Variants in IMMP2L observed in about 807,000 individuals in gnomAD.
IMMP2L encodes the protein inner mitochondrial membrane peptidase subunit 2.
IMMP2L carries 18 observed loss-of-function variants against 19.3 expected under a neutral mutation model. That is an observed-to-expected ratio of 0.93 (90% CI 0.64 to 1.38). The LOEUF is 1.38. IMMP2L is among the 40% of genes most tolerant of loss of function. IMMP2L has a pLI of 0.00. For synonymous variants in IMMP2L, 76 were observed against 73.0 expected (o/e 1.04, Z -0.21); for missense variants, 233 against 218.2 (o/e 1.07, Z -0.43).
chr7:111,169,873 G>C (rs756404064), intron 3 of IMMP2L, among the ~76,000 whole-genome samples: 9 of 151,868 alleles, frequency 5.9e-5, no homozygotes, highest in Non-Finnish European at 1.0e-4. Context: ...ATTTCTATCA[G>C]ATCCAGTGGT....
chr7:110,720,230 G>A (rs984292426), intron 5 of IMMP2L, among the ~76,000 whole-genome samples: 4 of 152,114 alleles, frequency 2.6e-5, no homozygotes, highest in Non-Finnish European at 5.9e-5. Flanking sequence ...TGGAATTAAG[G>A]TGTGGCTGTT....
At position 111,372,071 on chromosome 7, in the gene IMMP2L, T is replaced by C. The variant is rs186698597; in HGVS notation, c.239+115167A>G. Reference sequence around the variant, plus strand: ...TTTTGTCAAGGAGAAACAGCCAGGATTACACAACTGCCAGTCTGAGGTTCT... The same window carrying C: ...TTTTGTCAAGGAGAAACAGCCAGGACTACACAACTGCCAGTCTGAGGTTCT... On this transcript the variant is annotated intron_variant, in intron 3 of 5. Coordinates refer to ENST00000405709, the MANE Select transcript of IMMP2L (RefSeq NM_032549.4). Among the ~76,000 whole-genome samples the C allele has an allele frequency of 3.7e-4, 57 of 152,090 alleles. No individual in the cohort carries two copies. In the East Asian group the frequency reaches 0.011, roughly 28 times the overall value.
At chr7:110,827,323 G>A (rs1803588091) in intron 5 of IMMP2L, among the ~76,000 whole-genome samples, 1 of 152,088 alleles carries the variant, frequency 6.6e-6, no homozygotes. Flanking sequence ...TGATGTCCAA[G>A]CACACTGCTT....
intron 1 of IMMP2L, among the ~76,000 whole-genome samples, chr7:111,545,435 A>G (rs545805026): frequency 4.6e-4 from 70 of 152,246 alleles, no homozygotes; most frequent in African/African-American, 1.7e-3. Flanking sequence ...TCTGTCACCC[A>G]GCTGGAGTGC....
At chr7:111,337,386 C>T (rs1362839219) in intron 3 of IMMP2L, among the ~76,000 whole-genome samples, 1 of 151,904 alleles carries the variant, frequency 6.6e-6, no homozygotes, top group Non-Finnish European at 1.5e-5. Context: ...TTTCTATCTT[C>T]CATGGCTCCC....
chr7:110,879,521 C>T (rs1417817705), intron 5 of IMMP2L, among the ~76,000 whole-genome samples: 1 of 152,112 alleles, frequency 6.6e-6, no homozygotes, highest in Non-Finnish European at 1.5e-5. Flanking sequence ...ACTCACTCTT[C>T]CCCAATAACA....
At chr7:111,465,501 TAAA>T (rs757362734) in intron 3 of IMMP2L, among the ~76,000 whole-genome samples, 1 of 64,274 alleles carries the variant, frequency 1.6e-5, no homozygotes, top group Admixed American at 1.9e-4. Flanking sequence ...CAGGTGTCAC[TAAA>T]AAAAAAAAAA....
At chr7:111,217,744 ATAC>A (rs1812106125) in intron 3 of IMMP2L, among the ~76,000 whole-genome samples, 1 of 152,148 alleles carries the variant, frequency 6.6e-6, no homozygotes, top group African/African-American at 2.4e-5. Flanking sequence ...CAAAATTATG[ATAC>A]TAAACAATAA....
At chr7:111,454,936 T>G (rs1839553109) in intron 3 of IMMP2L, among the ~76,000 whole-genome samples, 9 of 152,098 alleles carry the variant, frequency 5.9e-5, no homozygotes. Flanking sequence ...AAATTAAAAT[T>G]TGATACAAAG....
chr7:111,454,033 A>G (rs78269438), intron 3 of IMMP2L, among the ~76,000 whole-genome samples: 1,590 of 152,292 alleles, frequency 0.01, 15 homozygotes, highest in Non-Finnish European at 0.015. Flanking sequence ...TAAGAACTTC[A>G]TGCATTCATA....
Position 111,314,471 on chromosome 7 carries a change from A to C in IMMP2L, c.239+172767T>G, listed in dbSNP as rs558660795. Among the ~76,000 whole-genome samples the C allele has an allele frequency of 6.0e-4, 92 of 152,298 alleles. 1 individual carries two copies. Among genetic ancestry groups the C allele is most frequent in the African/African-American group, 2.1e-3 (88 of 41,564 alleles). On this transcript the variant is annotated intron_variant, in intron 3 of 5. Transcript: ENST00000405709. ...ATTGATTGAATGATGTTGCATTTGAAATTTTTTAATTTAAATTTTAGAAAG... is the reference window on the plus strand; with the variant it reads ...ATTGATTGAATGATGTTGCATTTGACATTTTTTAATTTAAATTTTAGAAAG...
At chr7:111,086,783 C>T (rs1481402643) in intron 3 of IMMP2L, among the ~76,000 whole-genome samples, 2 of 152,222 alleles carry the variant, frequency 1.3e-5, no homozygotes, top group Admixed American at 1.3e-4. Flanking sequence ...CCACTAGGCA[C>T]TGCATTTCTT....
At chr7:110,816,643 G>C (rs1220014809) in intron 5 of IMMP2L, among the ~76,000 whole-genome samples, 3 of 150,722 alleles carry the variant, frequency 2.0e-5, no homozygotes, top group Non-Finnish European at 4.4e-5. Context: ...TATGAATCTG[G>C]GTGCTCCTGT....
At chr7:111,302,468 A>G (rs1184415356) in intron 3 of IMMP2L, among the ~76,000 whole-genome samples, 1 of 152,126 alleles carries the variant, frequency 6.6e-6, no homozygotes, top group Non-Finnish European at 1.5e-5. Flanking sequence ...AAACACATCT[A>G]TACATAGCAC....
chr7:111,013,144 C>G (rs1251378675), intron 3 of IMMP2L, among the ~76,000 whole-genome samples: 2 of 151,944 alleles, frequency 1.3e-5, no homozygotes. Flanking sequence ...GGAAAAGTAC[C>G]TAAGGACAGA....
intron 4 of IMMP2L, among the ~76,000 whole-genome samples, chr7:110,917,732 T>A (rs2129549959): frequency 6.6e-6 from 1 of 152,274 alleles, no homozygotes; most frequent in Non-Finnish European, 1.5e-5. Flanking sequence ...ACTACATTTT[T>A]AAAAATCTCT....
At chr7:111,516,862 C>G (rs1034762545) in intron 2 of IMMP2L, among the ~76,000 whole-genome samples, 2 of 152,000 alleles carry the variant, frequency 1.3e-5, no homozygotes, top group Admixed American at 1.3e-4. Flanking sequence ...GACGTCAGCC[C>G]CAGCAGACCA....
chr7:111,091,884 AGAGAG>A, intron 3 of IMMP2L, among the ~76,000 whole-genome samples: 1 of 151,970 alleles, frequency 6.6e-6, no homozygotes, highest in Admixed American at 6.5e-5. Context: ...GAGAGGAGAC[AGAGAG>A]GAGAGGAGAG....
intron 5 of IMMP2L, among the ~76,000 whole-genome samples, chr7:110,834,283 C>G (rs543813750): frequency 6.6e-6 from 1 of 152,224 alleles, no homozygotes; most frequent in Admixed American, 6.5e-5. Flanking sequence ...CCCATACCAG[C>G]ACAGCAGCCT....
Sources: allele counts gnomAD v4.1 joint callset (sites outside exome capture counted in the v4.1 genomes callset), GRCh38; gene constraint gnomAD v4.1.1; transcripts MANE v1.5; gene names NCBI Gene and HGNC (gene_info 2026-07-23, HGNC 2026-07-21).